TBC1D22A: variants seen among roughly 807,000 people sequenced by gnomAD.
TBC1D22A encodes TBC1 domain family member 22A.
Under a neutral mutation model 60.2 loss-of-function variants are expected in TBC1D22A, and 38 were observed. That is an observed-to-expected ratio of 0.63 (90% confidence interval 0.49 to 0.83). The LOEUF (loss-of-function observed/expected upper bound fraction) is 0.83. Ranked by LOEUF, TBC1D22A falls within the 40% of genes least tolerant of loss-of-function variation. The pLI is 0.00. For synonymous variants in TBC1D22A, 302 were observed against 281.7 expected (o/e 1.07, Z -0.72); for missense variants, 628 against 701.0 (o/e 0.90, Z 1.18).
chr22:46,814,040 T>G (rs1470306407), intron 4 of TBC1D22A, among the ~76,000 whole-genome samples: 1 of 152,232 alleles, frequency 6.6e-6, no homozygotes, highest in Non-Finnish European at 1.5e-5. Context: ...CCTTGCATAG[T>G]CAGCGCACAC....
chr22:47,108,156 G>A (rs538907473), intron 11 of TBC1D22A, among the ~76,000 whole-genome samples: 108 of 152,294 alleles, frequency 7.1e-4, no homozygotes, highest in Middle Eastern at 3.4e-3. Flanking sequence ...TTTTTCAAAA[G>A]GTAAATATAC....
At chr22:47,170,988 G>A (rs1394393659) in intron 12 of TBC1D22A, among the ~76,000 whole-genome samples, 1 of 152,222 alleles carries the variant, frequency 6.6e-6, no homozygotes. Flanking sequence ...CCTCAGTGAG[G>A]GTGGGGCAAC....
chr22:47,099,874 CTA>C (rs1216181400), intron 11 of TBC1D22A, among the ~76,000 whole-genome samples: 1 of 152,164 alleles, frequency 6.6e-6, no homozygotes, highest in Non-Finnish European at 1.5e-5. Context: ...GTTTTCTCGT[CTA>C]TAGAGAGAGG....
intron 4 of TBC1D22A, among the ~76,000 whole-genome samples, chr22:46,834,469 G>T (rs1241220932): frequency 6.6e-6 from 1 of 152,210 alleles, no homozygotes; most frequent in East Asian, 1.9e-4. Context: ...GCATAGCTCA[G>T]TGCCAACTCC....
chr22:46,918,061 AT>A (rs59958516), intron 8 of TBC1D22A, among the ~76,000 whole-genome samples: 11,087 of 152,178 alleles, frequency 0.073, 684 homozygotes, highest in African/African-American at 0.17. Flanking sequence ...CGAAATGGAG[AT>A]CGTAATGGCA....
At chr22:47,059,086 G>A (rs571632287) in intron 11 of TBC1D22A, among the ~76,000 whole-genome samples, 7 of 152,360 alleles carry the variant, frequency 4.6e-5, no homozygotes, top group South Asian at 2.1e-4. Context: ...TTCAGTAAGC[G>A]TTGTGATGGC....
At chr22:46,850,783 A>G (rs895684663) in intron 4 of TBC1D22A, among the ~76,000 whole-genome samples, 4 of 152,250 alleles carry the variant, frequency 2.6e-5, no homozygotes, top group Non-Finnish European at 4.4e-5. Context: ...TAGCCAAAAA[A>G]GGGGAAACAA....
At chr22:47,002,870 C>T (rs1439474210) in intron 10 of TBC1D22A, among the ~76,000 whole-genome samples, 3 of 152,166 alleles carry the variant, frequency 2.0e-5, no homozygotes, top group African/African-American at 7.2e-5. Flanking sequence ...AGTTGCTAAG[C>T]TGATCTGAAC....
At chr22:47,138,890 G>A (rs941801936) in intron 12 of TBC1D22A, among the ~76,000 whole-genome samples, 8 of 152,172 alleles carry the variant, frequency 5.3e-5, no homozygotes, top group Admixed American at 2.0e-4. Context: ...TCCCTTCCCC[G>A]AGGGCTCCCG....
At chr22:47,153,425 A>T (rs1280647970) in intron 12 of TBC1D22A, among the ~76,000 whole-genome samples, 5 of 151,976 alleles carry the variant, frequency 3.3e-5, no homozygotes, top group Non-Finnish European at 7.4e-5. Context: ...AGCCCCTGCC[A>T]TGGTGCTCCA....
chr22:46,894,980 A>G (rs73470863), intron 7 of TBC1D22A, 134 bp downstream of exon 7: 62,601 of 859,372 alleles, frequency 0.073, 3,692 homozygotes, highest in African/African-American at 0.23. Context: ...CGGTGCATCT[A>G]GCCCTTGTGG....
chr22:47,115,156 C>T (rs1489197747), intron 12 of TBC1D22A, among the ~76,000 whole-genome samples: 3 of 150,344 alleles, frequency 2.0e-5, no homozygotes, highest in Admixed American at 2.0e-4. Flanking sequence ...TGGCCCTGTC[C>T]TGAGCGCTGG....
intron 10 of TBC1D22A, among the ~76,000 whole-genome samples, chr22:47,035,504 G>GA (rs1171571144): frequency 6.6e-6 from 1 of 152,192 alleles, no homozygotes; most frequent in African/African-American, 2.4e-5. Flanking sequence ...GTGTTGGAAT[G>GA]GAGCGTGTAT....
chr22:46,810,759 G>A, intron 4 of TBC1D22A, among the ~76,000 whole-genome samples: 1 of 152,096 alleles, frequency 6.6e-6, no homozygotes, highest in Non-Finnish European at 1.5e-5. Flanking sequence ...TACATAATTG[G>A]CGAGTTCTTA....
intron 1 of TBC1D22A, among the ~76,000 whole-genome samples, chr22:46,768,939 C>A (rs772005984): frequency 2.0e-5 from 3 of 151,814 alleles, no homozygotes; most frequent in African/African-American, 7.2e-5. Flanking sequence ...ACTAAAAATA[C>A]AAAAAATAGC....
At chr22:47,098,416 A>G (rs1783121018) in intron 11 of TBC1D22A, among the ~76,000 whole-genome samples, 1 of 152,164 alleles carries the variant, frequency 6.6e-6, no homozygotes, top group Admixed American at 6.5e-5. Context: ...TGACACCCTG[A>G]TGCTGCCACC....
rs550371948 is a variant in TBC1D22A at position 46,947,035 on chromosome 22, T to G, written c.1016-27255T>G. Among the ~76,000 whole-genome samples the G allele has an allele frequency of 5.3e-5, 8 of 152,306 alleles. No individual in the cohort carries two copies. In the East Asian group the frequency reaches 1.5e-3, roughly 29 times the overall value. On this transcript the variant is annotated intron_variant, in intron 8 of 12. Transcript: ENST00000337137. ...GAGGAGCAAGTCTTCATCATAGGAT[T>G]TGAGGCCGAGGGGTCTTTAGAGACT... is the stretch of plus-strand genomic sequence containing the variant.
chr22:47,045,802 C>A (rs903037913), intron 11 of TBC1D22A, among the ~76,000 whole-genome samples: 2 of 152,256 alleles, frequency 1.3e-5, no homozygotes, highest in Non-Finnish European at 2.9e-5. Context: ...TGCTGTTCAC[C>A]CAGGAAGCTG....
intron 1 of TBC1D22A, among the ~76,000 whole-genome samples, chr22:46,780,149 T>C (rs1158670533): frequency 1.3e-5 from 2 of 152,182 alleles, no homozygotes; most frequent in Non-Finnish European, 2.9e-5. Context: ...CAGTTGCCAA[T>C]TTGAGTACGT....
Sources: allele counts gnomAD v4.1 joint callset (sites outside exome capture counted in the v4.1 genomes callset), GRCh38; gene constraint gnomAD v4.1.1; transcripts MANE v1.5; gene names NCBI Gene and HGNC (gene_info 2026-07-23, HGNC 2026-07-21).